The following HERC4 variants were observed in gnomAD, a reference collection of about 807,000 sequenced individuals.
The protein encoded by HERC4 is probable E3 ubiquitin-protein ligase HERC4.
Under a neutral mutation model 124.3 loss-of-function variants are expected in HERC4, and 28 were observed. The ratio of observed to expected loss-of-function variants is 0.23; its 90% CI spans 0.17 to 0.31. HERC4 has a LOEUF of 0.31. HERC4 is among the 10% of genes least tolerant of loss of function. The pLI is 1.00. For missense variants in HERC4, 713 were observed against 1,229.3 expected, an observed-to-expected ratio of 0.58 and a Z score of 6.28; for synonymous variants, 407 against 421.5, an observed-to-expected ratio of 0.97 and a Z score of 0.42.
intron 16 of HERC4, among the ~76,000 whole-genome samples, chr10:67,958,724 G>T (rs913332209): frequency 6.6e-6 from 1 of 152,124 alleles, no homozygotes; most frequent in Non-Finnish European, 1.5e-5. Flanking sequence ...TAAAAATGAA[G>T]TTTGTTTTAC....
intron 3 of HERC4, among the ~76,000 whole-genome samples, chr10:68,049,779 C>A (rs1185081600): frequency 6.6e-6 from 1 of 151,582 alleles, no homozygotes. Flanking sequence ...GGCATGGGGG[C>A]AAATGCTTGT....
chr10:67,934,908 T>G (rs1215307025), intron 22 of HERC4, among the ~76,000 whole-genome samples: 1 of 151,780 alleles, frequency 6.6e-6, no homozygotes, highest in African/African-American at 2.4e-5. Context: ...CTGGGAAGTT[T>G]TTTTTTTTTT....
intron 3 of HERC4, chr10:68,069,802 G>T: frequency 2.1e-6 from 2 of 932,106 alleles, no homozygotes; most frequent in Non-Finnish European, 2.6e-6. Context: ...CAGCACTCTG[G>T]GAGGCCAAGG....
In HERC4 at chr10:68,032,500, A is replaced by T. The variant is rs1338997353; in HGVS notation, c.777+278T>A. Among the ~76,000 whole-genome samples, 3 of 152,244 alleles carry T rather than the reference A, an allele frequency of 2.0e-5. No individual in the cohort carries two copies. In the East Asian group the frequency reaches 5.8e-4, roughly 29 times the overall value. ...AAAACGGAATAATTTTATTCAAAGT[A>T]TGACCTTAAGCAGTATTTCATATAA... On this transcript the variant is annotated intron_variant, in intron 7 of 24. Coordinates refer to ENST00000373700, the MANE Select transcript of HERC4 (RefSeq NM_015601.4).
chr10:68,002,935 A>T (rs1285204612), intron 9 of HERC4, among the ~76,000 whole-genome samples: 1 of 151,892 alleles, frequency 6.6e-6, no homozygotes, highest in African/African-American at 2.4e-5. Context: ...GTAGGTATAT[A>T]TATTTATGGG....
Position 67,988,666 on chromosome 10 carries a change from A to G in HERC4, c.1803T>C (p.His601=), listed in dbSNP as rs781201023. 2.3e-5 allele frequency: 35 copies of G among 1,553,968 alleles called. No homozygotes were observed. The highest frequency in any genetic ancestry group is 3.0e-5 in the Non-Finnish European group (34 of 1,142,968). Residue 601 remains histidine, a synonymous_variant, in exon 15 of 25, where the codon CAT becomes CAC. Transcript: ENST00000373700. The part of the protein sequence containing the change: ...HTALKVLEIL[H]RVNEKMGQII... ...ATAAAGGAATGATTGGACATACCCT[A>G]TGTAGTATTTCTAAAACCTTTAATG...
At chr10:67,956,124 A>G (rs574221147) in intron 17 of HERC4, 1 of 152,308 alleles carries the variant, frequency 6.6e-6, no homozygotes, top group African/African-American at 2.4e-5. Context: ...TTTTTAAAAT[A>G]TTTTTAGACT....
chr10:68,034,469 C>T (rs1350222533), intron 5 of HERC4, among the ~76,000 whole-genome samples: 2 of 152,022 alleles, frequency 1.3e-5, no homozygotes, highest in African/African-American at 4.8e-5. Context: ...TTTCCTTATG[C>T]CCCTCAACAG....
chr10:68,061,389 C>T (rs1449183222), intron 3 of HERC4, among the ~76,000 whole-genome samples: 1 of 151,516 alleles, frequency 6.6e-6, no homozygotes, highest in Non-Finnish European at 1.5e-5. Flanking sequence ...AAAAATTAGC[C>T]GGGAGTCATG....
chr10:68,034,683 T>C (rs1431060954), intron 5 of HERC4, among the ~76,000 whole-genome samples: 4 of 152,174 alleles, frequency 2.6e-5, no homozygotes, highest in Admixed American at 6.5e-5. Context: ...TAACTTAGGA[T>C]GCCCCAGACT....
At chr10:67,984,301 C>CAAA (rs928310831) in intron 15 of HERC4, among the ~76,000 whole-genome samples, 1 of 67,842 alleles carries the variant, frequency 1.5e-5, no homozygotes, top group African/African-American at 4.5e-5. Flanking sequence ...GACTCCATCT[C>CAAA]AAAAAAAAAA....
intron 3 of HERC4, among the ~76,000 whole-genome samples, chr10:68,048,334 G>A (rs1260915995): frequency 1.3e-5 from 2 of 152,222 alleles, no homozygotes; most frequent in South Asian, 4.1e-4. Flanking sequence ...GGAATACTTA[G>A]TGCTAAAAAG....
intron 15 of HERC4, among the ~76,000 whole-genome samples, chr10:67,980,432 C>G (rs966286033): frequency 1.3e-5 from 2 of 152,066 alleles, no homozygotes; most frequent in African/African-American, 4.8e-5. Context: ...CGCACCCCAC[C>G]CTGAAAGACA....
chr10:67,967,112 C>G (rs2034929614), intron 15 of HERC4, among the ~76,000 whole-genome samples: 1 of 152,152 alleles, frequency 6.6e-6, no homozygotes, highest in Non-Finnish European at 1.5e-5. Flanking sequence ...CCTTGGCCTC[C>G]CAAAGTGTTG....
At chr10:67,980,065 T>C (rs1033537449) in intron 15 of HERC4, among the ~76,000 whole-genome samples, 1 of 152,222 alleles carries the variant, frequency 6.6e-6, no homozygotes. Flanking sequence ...ACATTTAAAG[T>C]ATTGAAGGGA....
chr10:67,967,009 C>G (rs2034915324), intron 15 of HERC4, among the ~76,000 whole-genome samples: 1 of 152,188 alleles, frequency 6.6e-6, no homozygotes, highest in South Asian at 2.1e-4. Flanking sequence ...CACCCGCCAT[C>G]ATGACCGGCT....
chr10:68,038,208 A>T, intron 4 of HERC4, 39 bp from the exon 5 acceptor site: 1 of 990,632 alleles, frequency 1.0e-6, no homozygotes, highest in Non-Finnish European at 1.5e-6. Context: ...AGTTAATTCC[A>T]TTTAACAAAT....
At chr10:68,051,333 T>C (rs1589425418) in intron 3 of HERC4, among the ~76,000 whole-genome samples, 1 of 147,510 alleles carries the variant, frequency 6.8e-6, no homozygotes, top group Admixed American at 6.8e-5. Flanking sequence ...TGGCAAAATG[T>C]TAACACTATT....
intron 3 of HERC4, among the ~76,000 whole-genome samples, chr10:68,051,118 A>G (rs2040277116): frequency 6.6e-6 from 1 of 150,526 alleles, no homozygotes; most frequent in Non-Finnish European, 1.5e-5. Context: ...AAAAAAAAAC[A>G]AAGAAAAAAC....
Sources: allele counts gnomAD v4.1 joint callset (sites outside exome capture counted in the v4.1 genomes callset), GRCh38; gene constraint gnomAD v4.1.1; transcripts MANE v1.5; gene names NCBI Gene and HGNC (gene_info 2026-07-23, HGNC 2026-07-21).